The following NLN variants were observed in gnomAD, a reference collection of about 807,000 sequenced individuals.
NLN encodes neurolysin.
In NLN, 64 loss-of-function variants were observed where a neutral mutation model predicts 79.9. The ratio of observed to expected loss-of-function variants is 0.80; its 90% CI spans 0.65 to 0.99. NLN has a LOEUF of 0.99. Ranked by LOEUF, NLN falls within the 50% of genes least tolerant of loss-of-function variation. The pLI, the probability that NLN is intolerant of heterozygous loss-of-function variation, is 0.00. For synonymous variants in NLN, 267 were observed against 296.6 expected (o/e 0.90, Z 1.02); for missense variants, 835 against 858.7 (o/e 0.97, Z 0.34).
At chr5:65,819,039 A>G (rs1278565201) in intron 12 of NLN, 3 of 152,244 alleles carry the variant, frequency 2.0e-5, no homozygotes, top group African/African-American at 7.2e-5. Flanking sequence ...ATTGAGCAAA[A>G]TGAGTGCCTA....
chr5:65,813,669 G>A (rs763321334), intron 12 of NLN, among the ~76,000 whole-genome samples: 16 of 152,100 alleles, frequency 1.1e-4, no homozygotes, highest in Non-Finnish European at 2.2e-4. Context: ...GCTCACACCT[G>A]TAATCCCAGA....
intron 1 of NLN, among the ~76,000 whole-genome samples, chr5:65,742,094 C>T (rs1310603884): frequency 6.6e-6 from 1 of 152,074 alleles, no homozygotes; most frequent in African/African-American, 2.4e-5. Flanking sequence ...AACATTTTAA[C>T]ATTTTTATTC....
At chr5:65,766,622 A>G (rs1414190727) in intron 3 of NLN, among the ~76,000 whole-genome samples, 2 of 152,206 alleles carry the variant, frequency 1.3e-5, no homozygotes, top group Admixed American at 1.3e-4. Context: ...TCACATTTCA[A>G]AACCAATCAT....
chr5:65,803,376 T>C (rs184341927), intron 9 of NLN, among the ~76,000 whole-genome samples: 1 of 152,278 alleles, frequency 6.6e-6, no homozygotes, highest in Admixed American at 6.5e-5. Context: ...GTGCCCAAAG[T>C]TCAGTAGGGG....
intron 1 of NLN, among the ~76,000 whole-genome samples, chr5:65,729,635 A>G (rs1250909227): frequency 2.0e-5 from 3 of 151,844 alleles, no homozygotes; most frequent in Middle Eastern, 3.4e-3. Context: ...CGGCCTCCCA[A>G]AGTGCTGGGA....
chr5:65,791,104 T>A (rs1760047624), intron 8 of NLN, among the ~76,000 whole-genome samples: 1 of 152,210 alleles, frequency 6.6e-6, no homozygotes, highest in African/African-American at 2.4e-5. Context: ...TAACTGACTT[T>A]TAAAAAGGGT....
intron 1 of NLN, among the ~76,000 whole-genome samples, chr5:65,725,376 T>C (rs1758446228): frequency 6.6e-6 from 1 of 152,234 alleles, no homozygotes; most frequent in African/African-American, 2.4e-5. Flanking sequence ...TGAAACTATA[T>C]CAATGTACTT....
At chr5:65,804,130 G>A (rs1010899479) in intron 9 of NLN, among the ~76,000 whole-genome samples, 2 of 152,196 alleles carry the variant, frequency 1.3e-5, no homozygotes, top group African/African-American at 4.8e-5. Flanking sequence ...TAGTCATTTT[G>A]TAATATCATT....
chr5:65,823,969 A>T lies in NLN; in HGVS notation c.*1054A>T, dbSNP rs1760860284. ...GATGAAACTTAACCACGGGGAAGAG[A>T]CTCTTCAGTAGCCTGTTCTGTCTGG... On this transcript the variant is annotated 3_prime_UTR_variant, in exon 13 of 13. Transcript: ENST00000380985. The T allele has an allele frequency of 6.6e-6, 1 of 151,816 alleles. No individual in the cohort carries two copies. Among genetic ancestry groups the T allele is most frequent in the South Asian group, 2.1e-4 (1 of 4,820 alleles). 9.4% of individuals were successfully genotyped at this position (151,816 alleles called of 1,614,324 possible). A position where few individuals can be genotyped will look rare whatever the true frequency, so the allele number is the denominator to read the frequency against.
At chr5:65,756,352 C>A (rs1759218255) in intron 1 of NLN, among the ~76,000 whole-genome samples, 1 of 152,142 alleles carries the variant, frequency 6.6e-6, no homozygotes, top group African/African-American at 2.4e-5. Context: ...CCTTGACTCT[C>A]TTGACTCTCT....
At chr5:65,806,265 TA>T (rs1326545164) in intron 9 of NLN, among the ~76,000 whole-genome samples, 1 of 152,190 alleles carries the variant, frequency 6.6e-6, no homozygotes, top group Non-Finnish European at 1.5e-5. Flanking sequence ...TTATGAGAAA[TA>T]CATTTCATAA....
chr5:65,778,161 A>G lies in NLN; in HGVS notation c.558+627A>G, dbSNP rs576478217. Reference sequence around the variant, plus strand: ...CCAGCACCTTGGAATGGAGTATCCTATGTTTAACACATGCCCCTTAAAAGA... The same window carrying G: ...CCAGCACCTTGGAATGGAGTATCCTGTGTTTAACACATGCCCCTTAAAAGA... On this transcript the variant is annotated intron_variant, in intron 4 of 12. Transcript: ENST00000380985. Among the ~76,000 whole-genome samples, 392 of 152,306 alleles carry G rather than the reference A, an allele frequency of 2.6e-3. 2 individuals are homozygous for G. The highest frequency in any genetic ancestry group is 3.0e-3 in the Non-Finnish European group (205 of 68,022).
At chr5:65,752,292 GAGACGATGAAGA>G (rs1759119043) in intron 1 of NLN, among the ~76,000 whole-genome samples, 1 of 152,138 alleles carries the variant, frequency 6.6e-6, no homozygotes, top group African/African-American at 2.4e-5. Context: ...GAAAACAGAG[GAGACGATGAAGA>G]AGGTATGATT....
intron 1 of NLN, among the ~76,000 whole-genome samples, chr5:65,725,790 G>T (rs1168605976): frequency 2.0e-5 from 3 of 152,136 alleles, no homozygotes; most frequent in Non-Finnish European, 4.4e-5. Flanking sequence ...ACCCTGGTTT[G>T]TCTGTCAGTA....
At chr5:65,754,913 C>T (rs914115574) in intron 1 of NLN, among the ~76,000 whole-genome samples, 5 of 152,156 alleles carry the variant, frequency 3.3e-5, no homozygotes, top group Admixed American at 6.5e-5. Context: ...TTTCTACTCC[C>T]GGGATCCACC....
intron 1 of NLN, among the ~76,000 whole-genome samples, chr5:65,739,045 A>ATATATATATAAT (rs1470154357): frequency 3.1e-5 from 3 of 95,602 alleles, no homozygotes; most frequent in African/African-American, 1.2e-4. Flanking sequence ...ATATATAAAA[A>ATATATATATAAT]ATATATATAA....
chr5:65,787,563 A>G (rs1031424784), intron 7 of NLN, among the ~76,000 whole-genome samples: 4 of 152,328 alleles, frequency 2.6e-5, no homozygotes, highest in African/African-American at 9.6e-5. Context: ...CCACAGCAAT[A>G]TAATTTGTGG....
At chr5:65,800,922 A>G (rs1320753076) in intron 9 of NLN, among the ~76,000 whole-genome samples, 1 of 151,900 alleles carries the variant, frequency 6.6e-6, no homozygotes, top group African/African-American at 2.4e-5. Context: ...TGAACTCCTG[A>G]GCTCAATCAA....
chr5:65,723,834 AAAG>A (rs1758388666), intron 1 of NLN, among the ~76,000 whole-genome samples: 4 of 150,848 alleles, frequency 2.7e-5, no homozygotes, highest in South Asian at 4.2e-4. Context: ...AAAAAAAAAA[AAAG>A]AACAATTCTC....
Sources: allele counts gnomAD v4.1 joint callset (sites outside exome capture counted in the v4.1 genomes callset), GRCh38; gene constraint gnomAD v4.1.1; transcripts MANE v1.5; gene names NCBI Gene and HGNC (gene_info 2026-07-23, HGNC 2026-07-21).